Variants in HDAC9 observed in about 807,000 individuals in gnomAD.
HDAC9 encodes the protein MEF-2 interacting transcription repressor (MITR) protein.
In HDAC9, 41 loss-of-function variants were observed where a neutral mutation model predicts 139.4. The observed-to-expected ratio is 0.29, with a 90% CI of 0.23 to 0.38. The LOEUF is 0.38. HDAC9 is among the 10% of genes least tolerant of loss of function. The pLI is 1.00. For missense variants in HDAC9, 1,147 were observed against 1,297.0 expected, an observed-to-expected ratio of 0.88 and a Z score of 1.78; for synonymous variants, 517 against 476.2, an observed-to-expected ratio of 1.09 and a Z score of -1.12.
chr7:18,716,732 CACTAA>C (rs1435750105), intron 12 of HDAC9, among the ~76,000 whole-genome samples: 1 of 152,132 alleles, frequency 6.6e-6, no homozygotes, highest in South Asian at 2.1e-4. Flanking sequence ...TCAATGCCAA[CACTAA>C]ACTAAGTCCC....
chr7:18,824,556 G>GA (rs1436984721), intron 17 of HDAC9, among the ~76,000 whole-genome samples: 4 of 152,180 alleles, frequency 2.6e-5, no homozygotes, highest in African/African-American at 9.7e-5. Flanking sequence ...GCTTGACATT[G>GA]AAATCATGAA....
At chr7:18,762,764 A>G (rs1403085633) in intron 15 of HDAC9, among the ~76,000 whole-genome samples, 2 of 152,214 alleles carry the variant, frequency 1.3e-5, no homozygotes, top group South Asian at 2.1e-4. Flanking sequence ...AAGATTGCAA[A>G]TCTATTTATT....
intron 11 of HDAC9, 21 bp from the exon 12 acceptor site, chr7:18,666,192 C>T: frequency 6.3e-7 from 1 of 1,584,786 alleles, no homozygotes; most frequent in Non-Finnish European, 8.6e-7. Context: ...GAATTTTGAA[C>T]CCCTGAACAC....
intron 1 of HDAC9, among the ~76,000 whole-genome samples, chr7:18,295,799 T>C (rs1457093308): frequency 6.6e-6 from 1 of 152,150 alleles, no homozygotes; most frequent in African/African-American, 2.4e-5. Context: ...TTTTGATTAT[T>C]ACAGCTGGCA....
chr7:18,144,817 G>T (rs1413700395), intron 1 of HDAC9, among the ~76,000 whole-genome samples: 1 of 151,788 alleles, frequency 6.6e-6, no homozygotes, highest in Non-Finnish European at 1.5e-5. Context: ...TTTTTTGCTT[G>T]CACAGTCACA....
chr7:18,585,605 C>G (rs763235134), intron 3 of HDAC9, 83 bp downstream of exon 3: 1 of 1,488,950 alleles, frequency 6.7e-7, no homozygotes. Context: ...GAACACTTTG[C>G]GGGTAGATTC....
At chr7:18,854,434 T>G (rs868786666) in intron 21 of HDAC9, among the ~76,000 whole-genome samples, 9 of 152,294 alleles carry the variant, frequency 5.9e-5, no homozygotes, top group Middle Eastern at 3.4e-3. Flanking sequence ...TGATCATGAT[T>G]GTAATGACGT....
At chr7:18,932,848 A>AGAAAGAAAGAAAG (rs772073673) in intron 22 of HDAC9, among the ~76,000 whole-genome samples, 1 of 138,204 alleles carries the variant, frequency 7.2e-6, no homozygotes, top group Non-Finnish European at 1.5e-5. Context: ...AGGAAGGAAA[A>AGAAAGAAAGAAAG]AAAGAAAGAA....
chr7:18,788,807 A>G (rs954163502), intron 16 of HDAC9, among the ~76,000 whole-genome samples: 8 of 150,792 alleles, frequency 5.3e-5, no homozygotes, highest in African/African-American at 1.9e-4. Flanking sequence ...CTCACCGACC[A>G]TTTTGTCAAC....
chr7:18,765,099 A>G (rs1398433118), intron 15 of HDAC9, among the ~76,000 whole-genome samples: 1 of 152,136 alleles, frequency 6.6e-6, no homozygotes, highest in East Asian at 1.9e-4. Context: ...GCCAAATTTC[A>G]GTGCATTGAT....
chr7:18,187,283 A>T (rs1316577913), intron 2 of HDAC9, among the ~76,000 whole-genome samples: 1 of 152,236 alleles, frequency 6.6e-6, no homozygotes, highest in African/African-American at 2.4e-5. Flanking sequence ...TACTGGCATT[A>T]CTTATAAATG....
intron 19 of HDAC9, among the ~76,000 whole-genome samples, chr7:18,834,248 C>T (rs56196802): frequency 0.054 from 8,161 of 151,888 alleles, 619 homozygotes; most frequent in African/African-American, 0.16. Flanking sequence ...TTTTAAATAA[C>T]AGAACCGGAA....
At chr7:18,727,252 T>A (rs536464192) in intron 12 of HDAC9, among the ~76,000 whole-genome samples, 5 of 152,292 alleles carry the variant, frequency 3.3e-5, no homozygotes, top group Admixed American at 3.3e-4. Context: ...AACGTTGGTA[T>A]CTAGGTAGGA....
chr7:18,650,877 C>T (rs1400488191), intron 11 of HDAC9, among the ~76,000 whole-genome samples: 2 of 152,086 alleles, frequency 1.3e-5, no homozygotes, highest in African/African-American at 2.4e-5. Flanking sequence ...TCAAGCAGGT[C>T]GCCAGTTGGC....
At chr7:18,193,758 T>C (rs752005337) in intron 2 of HDAC9, among the ~76,000 whole-genome samples, 10 of 152,172 alleles carry the variant, frequency 6.6e-5, no homozygotes, top group Admixed American at 2.0e-4. Context: ...TTTCTCTGAC[T>C]ACCTGAGAAT....
intron 2 of HDAC9, among the ~76,000 whole-genome samples, chr7:18,182,616 C>A (rs11975488): frequency 0.013 from 1,958 of 152,254 alleles, 41 homozygotes; most frequent in African/African-American, 0.044. Context: ...TTTTCATAAG[C>A]CTTGAGGTAG....
intron 1 of HDAC9, among the ~76,000 whole-genome samples, chr7:18,155,731 C>T (rs1219788994): frequency 6.6e-6 from 1 of 152,150 alleles, no homozygotes; most frequent in Non-Finnish European, 1.5e-5. Context: ...TGTTCTGCTC[C>T]TAGATACTCT....
intron 1 of HDAC9, among the ~76,000 whole-genome samples, chr7:18,433,975 A>G (rs1013572815): frequency 6.6e-5 from 10 of 152,226 alleles, no homozygotes; most frequent in African/African-American, 2.4e-4. Flanking sequence ...ATCCTAAGCA[A>G]AAAGAACTAA....
intron 24 of HDAC9, among the ~76,000 whole-genome samples, chr7:18,958,251 G>A (rs1451164057): frequency 6.6e-6 from 1 of 152,050 alleles, no homozygotes. Flanking sequence ...CATGATAGAT[G>A]GCATGCAAGG....
Sources: allele counts gnomAD v4.1 joint callset (sites outside exome capture counted in the v4.1 genomes callset), GRCh38; gene constraint gnomAD v4.1.1; transcripts MANE v1.5; gene names NCBI Gene and HGNC (gene_info 2026-07-23, HGNC 2026-07-21).